TMEM151B: variants seen among roughly 807,000 people sequenced by gnomAD.
TMEM151B encodes the protein transmembrane protein 151B, also known as transmembrane protein 193.
TMEM151B carries 18 observed loss-of-function variants against 33.0 expected under a neutral mutation model. The observed-to-expected ratio is 0.55, with a 90% CI of 0.38 to 0.81. TMEM151B has a LOEUF of 0.81. TMEM151B is among the 30% of genes least tolerant of loss of function. The pLI, the probability that TMEM151B is intolerant of heterozygous loss-of-function variation, is 0.00. For missense variants in TMEM151B, 672 were observed against 843.4 expected, an observed-to-expected ratio of 0.80 and a Z score of 2.52; for synonymous variants, 354 against 373.6, an observed-to-expected ratio of 0.95 and a Z score of 0.61.
At chr6:44,275,356 C>T (rs1338099612) in intron 2 of TMEM151B, 47 bp from the exon 3 acceptor site, 1 of 1,458,082 alleles carries the variant, frequency 6.9e-7, no homozygotes, top group Non-Finnish European at 9.0e-7. Context: ...AAGCGGGCAC[C>T]AATGACGGGC....
Position 44,279,236 on chromosome 6 carries a change from T to G in TMEM151B, c.*2709T>G, listed in dbSNP as rs1782717613. On this transcript the variant is annotated 3_prime_UTR_variant, in exon 3 of 3. Transcript: ENST00000451188. ...TAGGTGTGGCCCCAGGGTGGACAGC[T>G]ACAGAGTGATGGGGGACTCATGTAG... 1 of 152,260 alleles carries G rather than the reference T, an allele frequency of 6.6e-6. No homozygotes were observed. Among genetic ancestry groups the G allele is most frequent in the South Asian group, 2.1e-4 (1 of 4,830 alleles). The allele number at this position is 152,260 out of a possible 1,614,324, so 9.4% of individuals were successfully genotyped here. A position where few individuals can be genotyped will look rare whatever the true frequency, so the allele number is the denominator to read the frequency against.
chr6:44,270,935 C>T (rs2153336438), intron 1 of TMEM151B, 58 bp downstream of exon 1: 1 of 1,017,882 alleles, frequency 9.8e-7, no homozygotes, highest in Non-Finnish European at 1.2e-6. Context: ...CCCCATCCCC[C>T]ATCGCACGCG....
At position 44,276,875 on chromosome 6, in the gene TMEM151B, G is replaced by T; in HGVS notation, c.*348G>T. On this transcript the variant is annotated 3_prime_UTR_variant, in exon 3 of 3. Coordinates refer to ENST00000451188, the MANE Select transcript of TMEM151B (RefSeq NM_001137560.2). Reference sequence around the variant, plus strand: ...TGCCGTGGGCCCCGCGTTGGGCCTTGTCTGAAGGGAGAGGCCCTGGCATGC... The same window carrying T: ...TGCCGTGGGCCCCGCGTTGGGCCTTTTCTGAAGGGAGAGGCCCTGGCATGC... The T allele has an allele frequency of 4.5e-6, 1 of 220,000 alleles. No individual in the cohort carries two copies. The allele number at this position is 220,000 out of a possible 1,614,324, so 13.6% of individuals were successfully genotyped here.
rs1561918326 is a variant in TMEM151B, at chr6:44,275,825, T to C, written c.999T>C (p.Phe333=). Residue 333 remains phenylalanine (F), a synonymous_variant, in exon 3 of 3, where the codon TTT becomes TTC. Coordinates refer to ENST00000451188, the MANE Select transcript of TMEM151B (RefSeq NM_001137560.2). ...AYAHYHVEKL[F]GLEGPGSASS... The stretch of plus-strand genomic sequence containing the variant: ...CGCACTACCACGTGGAGAAGCTATT[T>C]GGCCTGGAGGGCCCGGGCTCGGCCA... 4 of 1,541,906 alleles carry C rather than the reference T, an allele frequency of 2.6e-6. No homozygotes were observed. Among genetic ancestry groups the C allele is most frequent in the Non-Finnish European group, 2.6e-6 (3 of 1,145,650 alleles).
Position 44,275,973 on chromosome 6 carries a change from C to T in TMEM151B, c.1147C>T (p.Leu383=). The change falls in exon 3 of 3, where the codon CTG becomes TTG. Residue 383 remains leucine (L), a synonymous_variant. Coordinates refer to ENST00000451188, the MANE Select transcript of TMEM151B (RefSeq NM_001137560.2). ...LEWHIRSNQQ[L]VPSYSEAVLM... Reference sequence around the variant, plus strand: ...GTGGCACATCCGCTCCAACCAGCAGCTGGTGCCCAGCTACTCTGAGGCGGT... The same window carrying T: ...GTGGCACATCCGCTCCAACCAGCAGTTGGTGCCCAGCTACTCTGAGGCGGT... The T allele has an allele frequency of 6.9e-7, 1 of 1,458,636 alleles. No individual in the cohort carries two copies. The highest frequency in any genetic ancestry group is 9.1e-7 in the Non-Finnish European group (1 of 1,101,830). 90.4% of individuals were successfully genotyped at this position (1,458,636 alleles called of 1,614,324 possible). A position where few individuals can be genotyped will look rare whatever the true frequency, so the allele number is the denominator to read the frequency against.
rs1285031056 is a variant in TMEM151B at position 44,276,630 on chromosome 6, C to CG, written c.*109dup. On this transcript the variant is annotated 3_prime_UTR_variant, in exon 3 of 3. Coordinates refer to ENST00000451188, the MANE Select transcript of TMEM151B (RefSeq NM_001137560.2). ...AGTCACCACGGTGACTGAGGCCGCGCGGGGGGCAGGGAAAGGGAGGTGAGG... is the reference window on the plus strand; with the variant it reads ...AGTCACCACGGTGACTGAGGCCGCGCGGGGGGGCAGGGAAAGGGAGGTGAGG... The CG allele has an allele frequency of 3.1e-5, 40 of 1,281,846 alleles. No individual in the cohort carries two copies. Among genetic ancestry groups the CG allele is most frequent in the Admixed American group, 8.2e-5 (2 of 24,472 alleles). 79.4% of individuals were successfully genotyped at this position (1,281,846 alleles called of 1,614,324 possible).
At chr6:44,275,148 AG>A in intron 2 of TMEM151B, among the ~76,000 whole-genome samples, 1 of 151,978 alleles carries the variant, frequency 6.6e-6, no homozygotes, top group South Asian at 2.1e-4. Flanking sequence ...AAAAAGAAAA[AG>A]AAAAAAAATT....
chr6:44,271,265 T>C (rs1490526573), intron 1 of TMEM151B, among the ~76,000 whole-genome samples: 2 of 146,122 alleles, frequency 1.4e-5, no homozygotes, highest in Non-Finnish European at 3.0e-5. Flanking sequence ...ACGAGGAGGG[T>C]ACCATGGGGA....
chr6:44,276,780 C>T lies in TMEM151B; in HGVS notation c.*253C>T. 1.5e-6 allele frequency: 1 copy of T among 647,230 alleles called. No homozygotes were observed. The highest frequency in any genetic ancestry group is 4.5e-5 in the Admixed American group (1 of 22,042). The allele number at this position is 647,230 out of a possible 1,614,324, so 40.1% of individuals were successfully genotyped here. ...GGCAGAGTCATTCTTCCAGCCCCAACCCTGAGTTCCTAAAGGGACACCTCC... is the reference window on the plus strand; with the variant it reads ...GGCAGAGTCATTCTTCCAGCCCCAATCCTGAGTTCCTAAAGGGACACCTCC... On this transcript the variant is annotated 3_prime_UTR_variant, in exon 3 of 3. Transcript: ENST00000451188.
chr6:44,275,332 G>A, intron 2 of TMEM151B, 71 bp from the exon 3 acceptor site: 1 of 1,444,026 alleles, frequency 6.9e-7, no homozygotes, highest in East Asian at 2.5e-5. Flanking sequence ...GGGCGGGAAA[G>A]GGTGAGTGGG....
rs564617548 is a variant in TMEM151B, at chr6:44,273,240, C to T, written c.310C>T (p.His104Tyr). Residue 104 changes from histidine (H) to tyrosine (Y), a missense_variant, in exon 2 of 3, where the codon CAT becomes TAT. Physicochemically the swap from His to Tyr is moderately conservative, Grantham distance 83 (BLOSUM62 2). Transcript: ENST00000451188. ...SAYQGNSLMY[H>Y]DSPCSNGYVY... ...CTACCAGGGCAACAGCCTCATGTAC[C>T]ATGACAGCCCCTGCTCCAACGGCTA... 1.3e-6 allele frequency: 2 copies of T among 1,551,570 alleles called. No individual in the cohort carries two copies. The highest frequency in any genetic ancestry group is 2.4e-5 in the East Asian group (1 of 40,906).
chr6:44,276,431 C>T lies in TMEM151B; in HGVS notation c.1605C>T (p.Tyr535=). Residue 535 remains tyrosine, a synonymous_variant, in exon 3 of 3, where the codon TAC becomes TAT. Coordinates refer to ENST00000451188, the MANE Select transcript of TMEM151B (RefSeq NM_001137560.2). ...CGCCGCCCTACCACGACGCCCTCTACTTTCCGGTCCTCATCGTCCACCGGC... is the reference window on the plus strand; with the variant it reads ...CGCCGCCCTACCACGACGCCCTCTATTTTCCGGTCCTCATCGTCCACCGGC... ...GPPPPYHDAL[Y]FPVLIVHRQE... 2 of 1,504,668 alleles carry T rather than the reference C, an allele frequency of 1.3e-6. No homozygotes were observed. Among genetic ancestry groups the T allele is most frequent in the East Asian group, 2.7e-5 (1 of 37,194 alleles). 93.2% of individuals were successfully genotyped at this position (1,504,668 alleles called of 1,614,324 possible). A position where few individuals can be genotyped will look rare whatever the true frequency, so the allele number is the denominator to read the frequency against.
In TMEM151B at chr6:44,270,557, T is replaced by A. The variant is rs1782282402; in HGVS notation, c.-186T>A. ...CCCCCCCCGGCCCGGCCCCCCAGCC[T>A]GCCTCCCACCCTCAGCCCCCAGCCC... On this transcript the variant is annotated 5_prime_UTR_variant, in exon 1 of 3. Transcript: ENST00000451188. 1 of 35,430 alleles carries A rather than the reference T, an allele frequency of 2.8e-5. No individual in the cohort carries two copies. The highest frequency in any genetic ancestry group is 5.3e-5 in the Non-Finnish European group (1 of 18,796). The allele number at this position is 35,430 out of a possible 1,614,324, so 2.2% of individuals were successfully genotyped here.
At position 44,276,427 on chromosome 6, in the gene TMEM151B, T is replaced by G; in HGVS notation, c.1601T>G (p.Leu534Arg). 6.6e-7 allele frequency: 1 copy of G among 1,508,934 alleles called. No individual in the cohort carries two copies. The highest frequency in any genetic ancestry group is 8.8e-7 in the Non-Finnish European group (1 of 1,133,588). The allele number at this position is 1,508,934 out of a possible 1,614,324, so 93.5% of individuals were successfully genotyped here. A position where few individuals can be genotyped will look rare whatever the true frequency, so the allele number is the denominator to read the frequency against. The change falls in exon 3 of 3, where the codon CTC becomes CGC. Residue 534 changes from leucine to arginine, a missense_variant. Leu to Arg is a moderately radical substitution (Grantham distance 102). Transcript: ENST00000451188. ...AGPPPPYHDA[L>R]YFPVLIVHRQ... ...CCGCCGCCGCCCTACCACGACGCCC[T>G]CTACTTTCCGGTCCTCATCGTCCAC...
chr6:44,274,802 A>G (rs958541978), intron 2 of TMEM151B, among the ~76,000 whole-genome samples: 1 of 152,198 alleles, frequency 6.6e-6, no homozygotes, highest in Non-Finnish European at 1.5e-5. Flanking sequence ...CCTGACCCCT[A>G]GAGGAAGCAG....
chr6:44,275,570 G>A lies in TMEM151B; in HGVS notation c.744G>A (p.Ala248=). The A allele has an allele frequency of 6.4e-7, 1 of 1,550,910 alleles. No homozygotes were observed. Among genetic ancestry groups the A allele is most frequent in the Non-Finnish European group, 8.7e-7 (1 of 1,146,684 alleles). The change falls in exon 3 of 3, where the codon GCG becomes GCA. Residue 248 remains alanine, a synonymous_variant. Coordinates refer to ENST00000451188, the MANE Select transcript of TMEM151B (RefSeq NM_001137560.2). ...TCGCCAGCGTGGAGGCCGAGAACGC[G>A]TACCTGTGCCAGCGCGCGCGCTTCT... The part of the protein sequence containing the change: ...FSFASVEAEN[A]YLCQRARFFA...
At position 44,275,387 on chromosome 6, in the gene TMEM151B, G is replaced by C; in HGVS notation, c.577-16G>C. ...CGGGCTCCCCGCGACCCCGCCGCCTGCCCCCCGCGCCGCAGGTCTACCACG... is the reference window on the plus strand; with the variant it reads ...CGGGCTCCCCGCGACCCCGCCGCCTCCCCCCCGCGCCGCAGGTCTACCACG... On this transcript the variant is annotated splice_polypyrimidine_tract_variant and intron_variant, in intron 2 of 2. Coordinates refer to ENST00000451188, the MANE Select transcript of TMEM151B (RefSeq NM_001137560.2). The C allele has an allele frequency of 6.8e-7, 1 of 1,481,206 alleles. No homozygotes were observed. Among genetic ancestry groups the C allele is most frequent in the Non-Finnish European group, 9.0e-7 (1 of 1,114,010 alleles). The allele number at this position is 1,481,206 out of a possible 1,614,324, so 91.8% of individuals were successfully genotyped here. A position where few individuals can be genotyped will look rare whatever the true frequency, so the allele number is the denominator to read the frequency against.
At chr6:44,273,628 C>T (rs1235414320) in intron 2 of TMEM151B, 122 bp downstream of exon 2, 3 of 1,105,132 alleles carry the variant, frequency 2.7e-6, no homozygotes, top group Non-Finnish European at 3.8e-6. Flanking sequence ...AGTGAGCTCC[C>T]ATGAGCATTG....
rs978305947 is a variant in TMEM151B at position 44,275,690 on chromosome 6, G to C, written c.864G>C (p.Pro288=). 1.3e-6 allele frequency: 2 copies of C among 1,550,762 alleles called. No individual in the cohort carries two copies. Among genetic ancestry groups the C allele is most frequent in the African/African-American group, 2.7e-5 (2 of 73,042 alleles). Reference sequence around the variant, plus strand: ...TCCGTGAGTTCATGGTGGCCTTCCCGGACCCGGCCCGGCCGCCCTGGTACG... The same window carrying C: ...TCCGTGAGTTCATGGTGGCCTTCCCCGACCCGGCCCGGCCGCCCTGGTACG... ...VDFREFMVAF[P]DPARPPWYAC... The change falls in exon 3 of 3, where the codon CCG becomes CCC. Residue 288 remains proline, a synonymous_variant. Coordinates refer to ENST00000451188, the MANE Select transcript of TMEM151B (RefSeq NM_001137560.2).
Sources: allele counts gnomAD v4.1 joint callset (sites outside exome capture counted in the v4.1 genomes callset), GRCh38; gene constraint gnomAD v4.1.1; transcripts MANE v1.5; gene names NCBI Gene and HGNC (gene_info 2026-07-23, HGNC 2026-07-21).